The following ASAH2 variants were observed in gnomAD, a reference collection of about 807,000 sequenced individuals.
ASAH2 encodes neutral ceramidase.
A neutral mutation model predicts 82.9 loss-of-function variants in ASAH2; 58 were observed. That is an observed-to-expected ratio of 0.70 (90% CI 0.57 to 0.87). The LOEUF (loss-of-function observed/expected upper bound fraction) is 0.87. Among genes scored for constraint, ASAH2 ranks in the 40% least tolerant of loss-of-function variants. The pLI is 0.00. For synonymous variants in ASAH2, 276 were observed against 289.7 expected (o/e 0.95, Z 0.48); for missense variants, 779 against 834.0 (o/e 0.93, Z 0.81).
chr10:50,200,344 G>A (rs1300390014), intron 16 of ASAH2, among the ~76,000 whole-genome samples: 4 of 150,982 alleles, frequency 2.6e-5, no homozygotes, highest in African/African-American at 9.7e-5. Flanking sequence ...CTCCCACTCT[G>A]GCTACCATCT....
Position 50,234,434 on chromosome 10 carries a change from T to C in ASAH2, c.806A>G (p.Glu269Gly). 6.2e-7 allele frequency: 1 copy of C among 1,613,084 alleles called. No individual in the cohort carries two copies. The highest frequency in any genetic ancestry group is 1.7e-5 in the Admixed American group (1 of 59,954). ...PYSYLQNPQS[E>G]RARYSSNTDK... ...GACGATTCCTCCTCACCTTGCTCTC[T>C]CTGACTGCGGATTTTGAAGGTAAGA... The change falls in exon 6 of 21, where the codon GAG (glutamate) becomes GGG (glycine). Residue 269 changes from glutamate (E) to glycine (G), a missense_variant. By Grantham distance (98) the Glu-to-Gly change is moderately conservative (BLOSUM62 -2). Around this residue, in one of 3 missense-constraint regions of ASAH2, gnomAD observed 759 missense variants for 755.2 expected, o/e 1.00. Coordinates refer to ENST00000682911, the MANE Select transcript of ASAH2 (RefSeq NM_019893.4).
intron 16 of ASAH2, among the ~76,000 whole-genome samples, chr10:50,200,702 C>T (rs1349411850): frequency 3.3e-5 from 5 of 152,054 alleles, no homozygotes; most frequent in Admixed American, 3.3e-4. Flanking sequence ...TTCTTTTCAT[C>T]ATTATGCCCC....
chr10:50,202,891 C>A lies in ASAH2; in HGVS notation c.1699G>T (p.Val567Phe). The A allele has an allele frequency of 6.2e-7, 1 of 1,611,966 alleles. No homozygotes were observed. The highest frequency in any genetic ancestry group is 1.7e-4 in the Middle Eastern group (1 of 6,040). ...FASHGMQNMT[V>F]VISGLCNVYT... ...ACGTTGCATAGACCTGAAATAACAA[C>A]AGTCATGTTCTGCATCCCATGAGAT... Residue 567 changes from valine (V) to phenylalanine (F), a missense_variant, in exon 16 of 21, where the codon GTT becomes TTT. Val to Phe is a conservative substitution (Grantham distance 50). Coordinates refer to ENST00000682911, the MANE Select transcript of ASAH2 (RefSeq NM_019893.4).
chr10:50,242,736 T>C (rs965885756), intron 4 of ASAH2, among the ~76,000 whole-genome samples: 1 of 152,184 alleles, frequency 6.6e-6, no homozygotes, highest in Non-Finnish European at 1.5e-5. Flanking sequence ...TATGTGCCTA[T>C]TACCCAGCTT....
In ASAH2 at chr10:50,206,062, GA is replaced by G; in HGVS notation, c.1449del (p.Arg484GlyfsTer51). On this transcript the variant is annotated frameshift_variant, in exon 13 of 21. Transcript: ENST00000682911. LOFTEE classifies it high-confidence loss of function. ...KTEGDPFWDT[I>X]RDQILGKPSE... Reference sequence around the variant, plus strand: ...GATGGCTTTCCCAGGATCTGGTCCCGAATGGTGTCCCAAAATGGATCCCCTT... The same window carrying G: ...GATGGCTTTCCCAGGATCTGGTCCCGATGGTGTCCCAAAATGGATCCCCTT... The G allele has an allele frequency of 1.2e-6, 2 of 1,612,512 alleles. No individual in the cohort carries two copies. Among genetic ancestry groups the G allele is most frequent in the Non-Finnish European group, 1.7e-6 (2 of 1,178,818 alleles).
chr10:50,221,113 G>A (rs1272582186), intron 7 of ASAH2, among the ~76,000 whole-genome samples: 2 of 152,190 alleles, frequency 1.3e-5, no homozygotes, highest in Non-Finnish European at 2.9e-5. Context: ...TTATTGGGCT[G>A]AAGATATTCT....
chr10:50,216,347 T>G (rs886502210), intron 8 of ASAH2, among the ~76,000 whole-genome samples: 39 of 152,136 alleles, frequency 2.6e-4, no homozygotes, highest in African/African-American at 8.4e-4. Context: ...TGAGAAAACT[T>G]TTTATTCCTG....
chr10:50,247,791 T>A (rs996860420), intron 2 of ASAH2, among the ~76,000 whole-genome samples: 1 of 152,032 alleles, frequency 6.6e-6, no homozygotes, highest in Non-Finnish European at 1.5e-5. Context: ...TGCCAATCTT[T>A]GTGTAAATGT....
intron 9 of ASAH2, 109 bp downstream of exon 9, chr10:50,214,634 G>T (rs1183068563): frequency 1.5e-5 from 20 of 1,357,036 alleles, no homozygotes; most frequent in Non-Finnish European, 2.1e-5. Context: ...GGGAGAACTA[G>T]GCCAGTGTAT....
chr10:50,248,344 C>G (rs1846527046), intron 2 of ASAH2, 140 bp downstream of exon 2: 3 of 1,058,014 alleles, frequency 2.8e-6, no homozygotes, highest in Non-Finnish European at 4.0e-6. Flanking sequence ...GCAATTAATG[C>G]AAAGGGAGAC....
chr10:50,218,980 T>C (rs1845678635), intron 7 of ASAH2, among the ~76,000 whole-genome samples: 1 of 152,218 alleles, frequency 6.6e-6, no homozygotes, highest in Non-Finnish European at 1.5e-5. Context: ...TATTCAAATT[T>C]ATCCAATCCG....
intron 4 of ASAH2, among the ~76,000 whole-genome samples, chr10:50,239,154 C>CATG (rs1407447671): frequency 2.0e-5 from 3 of 152,164 alleles, no homozygotes; most frequent in Non-Finnish European, 4.4e-5. Flanking sequence ...TGCCTCACTG[C>CATG]ACAGAGATCT....
At chr10:50,220,815 T>C (rs1025537933) in intron 7 of ASAH2, among the ~76,000 whole-genome samples, 6 of 131,526 alleles carry the variant, frequency 4.6e-5, no homozygotes, top group African/African-American at 1.7e-4. Flanking sequence ...TGTCCTGGTA[T>C]TTGCTTTCAA....
At position 50,210,840 on chromosome 10, in the gene ASAH2, C is replaced by T. The variant is rs2133206556; in HGVS notation, c.1397G>A (p.Gly466Asp). ...CACCTTACCCTGTGTAAAATTGAGG[C>T]CTCCAACTCCATCAATAGTGCCAGC... ...FAAGTIDGVG[G>D]LNFTQGKTEG... The change falls in exon 12 of 21, where the codon GGC (glycine) becomes GAC (aspartate). Residue 466 changes from glycine (G) to aspartate (D), a missense_variant. Gly to Asp is a moderately conservative substitution (Grantham distance 94). Coordinates refer to ENST00000682911, the MANE Select transcript of ASAH2 (RefSeq NM_019893.4). The T allele has an allele frequency of 1.9e-6, 3 of 1,612,734 alleles. No homozygotes were observed. The East Asian group carries it at 6.7e-5, about 36-fold the overall frequency.
At chr10:50,225,528 T>C (rs1405199809) in intron 7 of ASAH2, among the ~76,000 whole-genome samples, 2 of 152,174 alleles carry the variant, frequency 1.3e-5, no homozygotes, top group African/African-American at 2.4e-5. Context: ...AAACCGTGAA[T>C]TGAAGAAATT....
chr10:50,248,118 C>G (rs951851180), intron 2 of ASAH2, among the ~76,000 whole-genome samples: 1 of 152,198 alleles, frequency 6.6e-6, no homozygotes, highest in Non-Finnish European at 1.5e-5. Context: ...CTTTCATTCT[C>G]CTTTTGCCCC....
In ASAH2 at chr10:50,243,347, C is replaced by T; in HGVS notation, c.365G>A (p.Gly122Asp). ...TGQVADINLM[G>D]YGKSGQNAQG... ...TGCATTCTGGCCGGATTTGCCATAG[C>T]CCATCTAAAGAGGAAGAGACAATCA... The change falls in exon 4 of 21, where the codon GGC becomes GAC. Residue 122 changes from glycine to aspartate, a missense_variant. Transcript: ENST00000682911. The T allele has an allele frequency of 6.2e-7, 1 of 1,613,938 alleles. No individual in the cohort carries two copies. The highest frequency in any genetic ancestry group is 2.2e-5 in the East Asian group (1 of 44,892).
At chr10:50,235,775 A>T in intron 5 of ASAH2, 113 bp downstream of exon 5, 2 of 1,151,832 alleles carry the variant, frequency 1.7e-6, no homozygotes, top group Non-Finnish European at 2.6e-6. Flanking sequence ...TGTACATGCT[A>T]ATACTATGCT....
At chr10:50,209,422 T>C (rs1845393059) in intron 12 of ASAH2, among the ~76,000 whole-genome samples, 2 of 152,204 alleles carry the variant, frequency 1.3e-5, no homozygotes, top group Admixed American at 1.3e-4. Flanking sequence ...CAATCTTGTC[T>C]CACTGCAACA....
Sources: allele counts gnomAD v4.1 joint callset (sites outside exome capture counted in the v4.1 genomes callset), GRCh38; gene constraint gnomAD v4.1.1; regional missense constraint gnomAD v4.1.1; transcripts MANE v1.5; gene names NCBI Gene and HGNC (gene_info 2026-07-23, HGNC 2026-07-21).